The following PITRM1 variants were observed in gnomAD, a reference collection of about 807,000 sequenced individuals.
The protein encoded by PITRM1 is pitrilysin metallopeptidase 1, also known as presequence protease, mitochondrial.
PITRM1 carries 100 observed loss-of-function variants against 129.9 expected under a neutral mutation model. The ratio of observed to expected loss-of-function variants is 0.77; its 90% CI spans 0.65 to 0.91. PITRM1 has a LOEUF of 0.91. PITRM1 is among the 40% of genes least tolerant of loss of function. The probability of loss-of-function intolerance (pLI) is 0.00; values close to 1 mark genes in which losing one functional copy is unlikely to be tolerated. For missense variants in PITRM1, 1,471 were observed against 1,318.3 expected, an observed-to-expected ratio of 1.12 and a Z score of -1.79; for synonymous variants, 591 against 508.8, an observed-to-expected ratio of 1.16 and a Z score of -2.17.
chr10:3,158,504 C>T (rs979482341), intron 10 of PITRM1, among the ~76,000 whole-genome samples: 11 of 152,182 alleles, frequency 7.2e-5, no homozygotes, highest in Non-Finnish European at 1.2e-4. Context: ...GAGCCGAGAT[C>T]GCGTCACTGC....
chr10:3,171,057 A>G (rs894656980), intron 1 of PITRM1, among the ~76,000 whole-genome samples: 2 of 150,856 alleles, frequency 1.3e-5, no homozygotes, highest in African/African-American at 4.9e-5. Flanking sequence ...CACAGACAAA[A>G]ATGTCAGCAC....
intron 21 of PITRM1, among the ~76,000 whole-genome samples, chr10:3,144,639 C>A (rs1325468754): frequency 2.0e-5 from 3 of 151,986 alleles, no homozygotes; most frequent in Non-Finnish European, 4.4e-5. Context: ...CCCATCTCAA[C>A]AAAAAATTTT....
chr10:3,160,795 C>T (rs1203426295), intron 7 of PITRM1, among the ~76,000 whole-genome samples: 5 of 151,656 alleles, frequency 3.3e-5, no homozygotes, highest in Admixed American at 2.6e-4. Flanking sequence ...AGTCTCGCCC[C>T]GTCCCCCCAG....
At chr10:3,150,031 G>C (rs1033504266) in intron 15 of PITRM1, among the ~76,000 whole-genome samples, 42 of 151,998 alleles carry the variant, frequency 2.8e-4, no homozygotes, top group African/African-American at 9.9e-4. Flanking sequence ...ACCTCTCCCC[G>C]TCAACCAGAG....
intron 14 of PITRM1, among the ~76,000 whole-genome samples, chr10:3,153,098 G>A (rs930292904): frequency 2.0e-5 from 3 of 152,202 alleles, no homozygotes; most frequent in Non-Finnish European, 4.4e-5. Context: ...CACACTTGAA[G>A]ACTTACTGAC....
intron 2 of PITRM1, 33 bp downstream of exon 2, chr10:3,170,071 G>A: frequency 1.3e-6 from 2 of 1,487,546 alleles, no homozygotes; most frequent in East Asian, 2.3e-5. Flanking sequence ...AATGTATGTG[G>A]ATTTATAAGG....
intron 24 of PITRM1, 143 bp from the exon 25 acceptor site, chr10:3,139,192 CAA>C: frequency 1.4e-6 from 1 of 709,374 alleles, no homozygotes; most frequent in South Asian, 1.8e-5. Context: ...AGCCCACTGA[CAA>C]ATCGCTCAAT....
chr10:3,162,158 TAAAAAA>T (rs756979093), intron 7 of PITRM1, among the ~76,000 whole-genome samples: 1 of 61,150 alleles, frequency 1.6e-5, no homozygotes, highest in African/African-American at 5.4e-5. Context: ...ACCCTGTCTT[TAAAAAA>T]AAAAAAAAAA....
rs530058427 is a variant in PITRM1, at chr10:3,155,634, G to T, written c.1578C>A (p.Val526=). The change falls in exon 14 of 27, where the codon GTC becomes GTA. Residue 526 remains valine (V), a synonymous_variant. Transcript: ENST00000224949. ...GCCTGTCTCCGGGGGACAGAGCCTC[G>T]ACCTTCTGCTTGAGCTTCGTGGCTT... ...QVEATKLKQK[V]EALSPGDRQQ... 3.7e-6 allele frequency: 6 copies of T among 1,613,838 alleles called. No homozygotes were observed. Among genetic ancestry groups the T allele is most frequent in the Middle Eastern group, 3.3e-4 (2 of 6,062 alleles).
intron 9 of PITRM1, among the ~76,000 whole-genome samples, chr10:3,159,483 T>A (rs936504040): frequency 7.2e-5 from 11 of 152,212 alleles, no homozygotes; most frequent in African/African-American, 2.7e-4. Context: ...AAGTTTTGTA[T>A]GTGATATATT....
intron 1 of PITRM1, among the ~76,000 whole-genome samples, chr10:3,171,146 T>TAAAAAAAAAA (rs1588736135): frequency 0.02 from 741 of 36,254 alleles, 273 homozygotes; most frequent in Non-Finnish European, 0.027. Flanking sequence ...AATCGTTCAA[T>TAAAAAAAAAA]TAAAAAAAAA....
chr10:3,158,562 T>C (rs1300743293), intron 10 of PITRM1, among the ~76,000 whole-genome samples: 1 of 152,052 alleles, frequency 6.6e-6, no homozygotes, highest in East Asian at 1.9e-4. Context: ...AAAAAAATTC[T>C]AATACTTAAT....
chr10:3,168,914 CTACACACACA>C lies in PITRM1; in HGVS notation c.159+1180_159+1189del, dbSNP rs1203389256. 5.1e-3 allele frequency among the ~76,000 whole-genome samples: 696 copies of C among 137,540 alleles called. 10 individuals carry two copies. The highest frequency in any genetic ancestry group is 0.018 in the African/African-American group (670 of 36,742). 90.2% of individuals were successfully genotyped at this position (137,540 alleles called of 152,430 possible). ...CCAGTCTAGGCAACAAAGTTTCCAT[CTACACACACA>C]CACACACACACACACACACACACAC... On this transcript the variant is annotated intron_variant, in intron 2 of 26. Coordinates refer to ENST00000224949, the MANE Select transcript of PITRM1 (RefSeq NM_014889.4).
rs150774249 is a variant in PITRM1 at position 3,159,503 on chromosome 10, T to C, written c.1007+345A>G. 1.1e-4 allele frequency among the ~76,000 whole-genome samples: 16 copies of C among 152,322 alleles called. No homozygotes were observed. The East Asian group carries it at 3.1e-3, about 29-fold the overall frequency. ...TTGTATGTGATATATTTTGCCGAGG[T>C]GCATGTTCATAGTACCATTCTCACA... On this transcript the variant is annotated intron_variant, in intron 9 of 26. Coordinates refer to ENST00000224949, the MANE Select transcript of PITRM1 (RefSeq NM_014889.4).
chr10:3,152,500 C>T (rs546171855), intron 14 of PITRM1, among the ~76,000 whole-genome samples: 22 of 152,354 alleles, frequency 1.4e-4, no homozygotes. Flanking sequence ...GTGAGCATCT[C>T]AGGCAGTGTC....
At position 3,138,245 on chromosome 10, in the gene PITRM1, C is replaced by T. The variant is rs537269577; in HGVS notation, c.3010G>A (p.Val1004Met). The T allele has an allele frequency of 3.6e-5, 58 of 1,612,582 alleles. No homozygotes were observed. Among genetic ancestry groups the T allele is most frequent in the South Asian group, 2.4e-4 (22 of 91,060 alleles). Reference sequence around the variant, plus strand: ...CCGCTCCCCACTCACCTATCGCTCACGGCCAGGAGCTTGTCGTGGCTGACA... The same window carrying T: ...CCGCTCCCCACTCACCTATCGCTCATGGCCAGGAGCTTGTCGTGGCTGACA... ...FAVSHDKLLA[V>M]SDRYLGTGKS... The change falls in exon 26 of 27, where the codon GTG (valine) becomes ATG (methionine). Residue 1004 changes from valine (V) to methionine (M), a missense_variant. By Grantham distance (21) the Val-to-Met change is conservative. Transcript: ENST00000224949.
At chr10:3,158,331 A>G (rs1842145115) in intron 10 of PITRM1, among the ~76,000 whole-genome samples, 178 bp from the exon 11 acceptor site, 1 of 152,222 alleles carries the variant, frequency 6.6e-6, no homozygotes, top group Admixed American at 6.5e-5. Context: ...TCATTTTTAC[A>G]TCATTTTTTA....
In PITRM1 at chr10:3,161,851, GAAA is replaced by G. The variant is rs10567396; in HGVS notation, c.792-1524_792-1522del. On this transcript the variant is annotated intron_variant, in intron 7 of 26. Coordinates refer to ENST00000224949, the MANE Select transcript of PITRM1 (RefSeq NM_014889.4). Reference sequence around the variant, plus strand: ...TACTAAAAAACAAAACAAGACTGGGGAAAAAAAAAAAAAAGAAGAAAAGAAAGA... The same window carrying G: ...TACTAAAAAACAAAACAAGACTGGGGAAAAAAAAAAAGAAGAAAAGAAAGA... 3.5e-3 allele frequency among the ~76,000 whole-genome samples: 473 copies of G among 136,394 alleles called. 5 individuals carry two copies. Among genetic ancestry groups the G allele is most frequent in the African/African-American group, 9.9e-3 (392 of 39,574 alleles). 89.5% of individuals were successfully genotyped at this position (136,394 alleles called of 152,430 possible).
intron 23 of PITRM1, among the ~76,000 whole-genome samples, chr10:3,142,023 C>G (rs1433443754): frequency 6.6e-6 from 1 of 152,176 alleles, no homozygotes. Context: ...AAAACATGCT[C>G]ACTTTTGAAA....
Sources: allele counts gnomAD v4.1 joint callset (sites outside exome capture counted in the v4.1 genomes callset), GRCh38; gene constraint gnomAD v4.1.1; transcripts MANE v1.5; gene names NCBI Gene and HGNC (gene_info 2026-07-23, HGNC 2026-07-21).